Variants in KLHDC1 observed in about 807,000 individuals in gnomAD.
KLHDC1 encodes kelch domain-containing protein 1.
In KLHDC1, 53 loss-of-function variants were observed where a neutral mutation model predicts 68.3. The observed-to-expected ratio is 0.78, with a 90% CI of 0.62 to 0.98. The LOEUF is 0.98. Ranked by LOEUF, KLHDC1 falls within the 50% of genes least tolerant of loss-of-function variation. KLHDC1 has a pLI of 0.00. For missense variants in KLHDC1, 470 were observed against 492.3 expected (o/e 0.95, Z 0.43); for synonymous variants, 148 against 159.0 (o/e 0.93, Z 0.52).
intron 4 of KLHDC1, among the ~76,000 whole-genome samples, chr14:49,713,447 A>G (rs1313161768): frequency 1.3e-5 from 2 of 152,134 alleles, no homozygotes; most frequent in East Asian, 3.9e-4. Context: ...TTAACTGTTT[A>G]TTAACCCTAA....
At chr14:49,726,209 A>G (rs1383298131) in intron 6 of KLHDC1, among the ~76,000 whole-genome samples, 1 of 152,158 alleles carries the variant, frequency 6.6e-6, no homozygotes, top group Non-Finnish European at 1.5e-5. Context: ...TCTCTTGAGT[A>G]CTTTCATTAA....
chr14:49,744,839 G>A (rs1025664447), intron 12 of KLHDC1, among the ~76,000 whole-genome samples: 1 of 152,168 alleles, frequency 6.6e-6, no homozygotes, highest in African/African-American at 2.4e-5. Flanking sequence ...GGGGCTGACT[G>A]TATATACACA....
At position 49,752,577 on chromosome 14, in the gene KLHDC1, A is replaced by G. The variant is rs763748021; in HGVS notation, c.*805A>G. On this transcript the variant is annotated 3_prime_UTR_variant, in exon 13 of 13. Coordinates refer to ENST00000359332, the MANE Select transcript of KLHDC1 (RefSeq NM_172193.3). ...AGACTGCTTCTAAAGTAATTTTTGTAAGTAATGAGATGGGATGGTAATCTA... is the reference window on the plus strand; with the variant it reads ...AGACTGCTTCTAAAGTAATTTTTGTGAGTAATGAGATGGGATGGTAATCTA... 1.3e-5 allele frequency: 2 copies of G among 152,622 alleles called. No homozygotes were observed. Among genetic ancestry groups the G allele is most frequent in the Middle Eastern group, 3.4e-3 (1 of 294 alleles). The allele number at this position is 152,622 out of a possible 1,614,324, so 9.5% of individuals were successfully genotyped here. A position where few individuals can be genotyped will look rare whatever the true frequency, so the allele number is the denominator to read the frequency against.
intron 1 of KLHDC1, among the ~76,000 whole-genome samples, chr14:49,701,608 G>A (rs1457151910): frequency 2.6e-5 from 4 of 151,942 alleles, no homozygotes; most frequent in Admixed American, 6.6e-5. Context: ...GTGGTGAGCC[G>A]AGATTGCGCC....
At chr14:49,746,948 CT>C (rs1889212420) in intron 12 of KLHDC1, among the ~76,000 whole-genome samples, 2 of 150,140 alleles carry the variant, frequency 1.3e-5, no homozygotes, top group Non-Finnish European at 1.5e-5. Flanking sequence ...TTAGCTTTCT[CT>C]CTTTTTTTTT....
At chr14:49,695,891 C>T (rs1050066535) in intron 1 of KLHDC1, among the ~76,000 whole-genome samples, 3 of 151,978 alleles carry the variant, frequency 2.0e-5, no homozygotes, top group South Asian at 2.1e-4. Flanking sequence ...GGTGAAACCC[C>T]GTCTCTACTA....
intron 1 of KLHDC1, among the ~76,000 whole-genome samples, chr14:49,704,415 A>T (rs1887993698): frequency 3.0e-5 from 2 of 67,590 alleles, no homozygotes; most frequent in Non-Finnish European, 2.6e-5. Context: ...TTTTTTTGAG[A>T]CAGAGTCTCG....
chr14:49,697,868 G>A (rs927886009), intron 1 of KLHDC1, among the ~76,000 whole-genome samples: 5 of 152,210 alleles, frequency 3.3e-5, no homozygotes, highest in Admixed American at 1.3e-4. Context: ...TAAGGAAAAG[G>A]AGTCGATTAG....
intron 11 of KLHDC1, among the ~76,000 whole-genome samples, chr14:49,742,856 C>A (rs1159164847): frequency 6.6e-6 from 1 of 151,520 alleles, no homozygotes; most frequent in Non-Finnish European, 1.5e-5. Context: ...AGGCTGAGGC[C>A]GGCAGACTGC....
Position 49,728,906 on chromosome 14 carries a change from G to T in KLHDC1, c.568-20G>T. ...CAGATATTTCAAGTCTTTGCAGTCT[G>T]TTCTGATTTCTACTTGCAGGGTGGA... On this transcript the variant is annotated intron_variant, in intron 6 of 12. Transcript: ENST00000359332. 1 of 1,558,506 alleles carries T rather than the reference G, an allele frequency of 6.4e-7. No homozygotes were observed. Among genetic ancestry groups the T allele is most frequent in the South Asian group, 1.1e-5 (1 of 89,892 alleles).
chr14:49,742,829 A>C (rs1016062195), intron 11 of KLHDC1, among the ~76,000 whole-genome samples: 1 of 152,128 alleles, frequency 6.6e-6, no homozygotes, highest in African/African-American at 2.4e-5. Flanking sequence ...TCATACCTGT[A>C]ATCCCAGCAC....
At chr14:49,706,484 C>T (rs1489566070) in intron 1 of KLHDC1, among the ~76,000 whole-genome samples, 1 of 152,124 alleles carries the variant, frequency 6.6e-6, no homozygotes, top group Non-Finnish European at 1.5e-5. Flanking sequence ...TCCTTTCTTT[C>T]GCATATATAC....
intron 8 of KLHDC1, among the ~76,000 whole-genome samples, chr14:49,730,224 T>G (rs1314734398): frequency 3.0e-4 from 2 of 6,696 alleles, no homozygotes; most frequent in East Asian, 0.083. Flanking sequence ...ATTTGCAGGT[T>G]TTTTTTTTTT....
chr14:49,698,892 G>A (rs922043581), intron 1 of KLHDC1, among the ~76,000 whole-genome samples: 6 of 151,794 alleles, frequency 4.0e-5, no homozygotes, highest in African/African-American at 9.7e-5. Context: ...CTTGACGAGC[G>A]TGGTGGCTCA....
intron 5 of KLHDC1, among the ~76,000 whole-genome samples, chr14:49,724,249 C>T (rs1394187980): frequency 6.6e-6 from 1 of 151,830 alleles, no homozygotes; most frequent in Non-Finnish European, 1.5e-5. Context: ...AAATTATGTT[C>T]ATATTTAACC....
chr14:49,730,825 A>C (rs1888789211), intron 8 of KLHDC1, among the ~76,000 whole-genome samples: 1 of 150,826 alleles, frequency 6.6e-6, no homozygotes, highest in Non-Finnish European at 1.5e-5. Flanking sequence ...ATACAAAAAA[A>C]GCAAGGAGTG....
intron 12 of KLHDC1, among the ~76,000 whole-genome samples, chr14:49,749,776 C>T (rs56726769): frequency 0.014 from 2,173 of 151,784 alleles, 47 homozygotes; most frequent in African/African-American, 0.049. Context: ...AAAAATTAGG[C>T]ATCAGGCTGG....
intron 1 of KLHDC1, 47 bp from the exon 2 acceptor site, chr14:49,709,108 CTGTT>C (rs1888133129): frequency 1.3e-6 from 1 of 773,712 alleles, no homozygotes; most frequent in East Asian, 2.8e-5. Flanking sequence ...AGCTGTGTAA[CTGTT>C]TGCTGTGTAA....
chr14:49,715,652 G>A (rs1300703096), intron 4 of KLHDC1, among the ~76,000 whole-genome samples: 20 of 148,852 alleles, frequency 1.3e-4, no homozygotes, highest in African/African-American at 4.9e-4. Context: ...GGCTGAGGCG[G>A]GAGAATTGCT....
Sources: gnomAD v4.1 joint callset for allele counts (sites outside exome capture counted in the v4.1 genomes callset) on GRCh38, gnomAD v4.1.1 for gene constraint, MANE v1.5 for transcripts, NCBI Gene and HGNC (gene_info 2026-07-23, HGNC 2026-07-21) for gene names.